Variants in FBN3 observed in about 807,000 individuals in gnomAD.
FBN3 encodes the protein fibrillin 3.
A neutral mutation model predicts 330.1 loss-of-function variants in FBN3; 234 were observed. The observed-to-expected ratio is 0.71, with a 90% CI of 0.64 to 0.79. The LOEUF (loss-of-function observed/expected upper bound fraction) is 0.79. Among genes scored for constraint, FBN3 ranks in the 30% least tolerant of loss-of-function variants. The pLI is 0.00. For missense variants in FBN3, 3,606 were observed against 3,886.9 expected (o/e 0.93, Z 1.92); for synonymous variants, 1,458 against 1,517.3 (o/e 0.96, Z 0.91).
chr19:8,125,972 C>A lies in FBN3; in HGVS notation c.2651G>T (p.Arg884Leu). 6.2e-7 allele frequency: 1 copy of A among 1,613,880 alleles called. No homozygotes were observed. The highest frequency in any genetic ancestry group is 8.5e-7 in the Non-Finnish European group (1 of 1,179,994). The change falls in exon 22 of 64, where the codon CGT (arginine) becomes CTT (leucine). Residue 884 changes from arginine (R) to leucine (L), a missense_variant. Transcript: ENST00000600128. The stretch of plus-strand genomic sequence containing the variant: ...GAAAGACCCAGCAGTGTTGACGCAA[C>A]GCCCGTTGGGACAGACTCCCGGGAA... ...ESFPGVCPNG[R>L]CVNTAGSFRC... is the part of the protein sequence containing the mutation.
At chr19:8,097,100 G>A (rs1438193713) in intron 42 of FBN3, 94 bp from the exon 43 acceptor site, 3 of 1,539,018 alleles carry the variant, frequency 1.9e-6, no homozygotes, top group African/African-American at 2.7e-5. Context: ...GGAGCAGGTG[G>A]TTTCTCTGGA....
At chr19:8,124,678 C>T (rs1297079477) in intron 22 of FBN3, among the ~76,000 whole-genome samples, 1 of 152,238 alleles carries the variant, frequency 6.6e-6, no homozygotes, top group South Asian at 2.1e-4. Context: ...GCTGGGATTA[C>T]AGACACCGCT....
At chr19:8,134,946 TATAA>T (rs1373900871) in intron 13 of FBN3, among the ~76,000 whole-genome samples, 1 of 148,276 alleles carries the variant, frequency 6.7e-6, no homozygotes, top group Non-Finnish European at 1.5e-5. Context: ...TGAATAAATA[TATAA>T]ATAAATATAA....
rs1261450981 is a variant in FBN3 at position 8,066,035 on chromosome 19, T to C, written c.8314A>G (p.Thr2772Ala). Residue 2772 changes from threonine (T) to alanine (A), a missense_variant, in exon 64 of 64, where the codon ACC (threonine) becomes GCC (alanine). Physicochemically the swap from Thr to Ala is moderately conservative, Grantham distance 58 (BLOSUM62 0). Transcript: ENST00000600128. ...QLGRRRPGPG[T>A]YRLEVVSHMA... is the part of the protein sequence containing the mutation. ...TGGCTCACCACCTCCAGCCGGTAGG[T>C]TCCAGGCCCCGGCCGCCTCCGCCCC... The C allele has an allele frequency of 3.7e-6, 6 of 1,612,992 alleles. No individual in the cohort carries two copies. The highest frequency in any genetic ancestry group is 5.1e-6 in the Non-Finnish European group (6 of 1,179,998).
intron 41 of FBN3, among the ~76,000 whole-genome samples, chr19:8,099,276 A>ATTTTTTTTT (rs386388494): frequency 1.0e-5 from 1 of 98,880 alleles, no homozygotes; most frequent in Non-Finnish European, 1.9e-5. Context: ...TCATGGTTTG[A>ATTTTTTTTT]TTTTTTTTTT....
At chr19:8,073,015 G>GAGT in intron 62 of FBN3, 48 bp downstream of exon 62, 1 of 1,215,040 alleles carries the variant, frequency 8.2e-7, no homozygotes, top group Non-Finnish European at 1.2e-6. Flanking sequence ...GTGCGTGCAT[G>GAGT]GACGCTTGCG....
At chr19:8,134,395 A>C (rs1365804688) in intron 13 of FBN3, among the ~76,000 whole-genome samples, 4 of 152,204 alleles carry the variant, frequency 2.6e-5, no homozygotes, top group African/African-American at 9.7e-5. Flanking sequence ...CTATTCATGT[A>C]ATGGAACATT....
Position 8,129,928 on chromosome 19 carries a change from C to T in FBN3, c.2045-563G>A, listed in dbSNP as rs145157408. On this transcript the variant is annotated intron_variant, in intron 16 of 63. Coordinates refer to ENST00000600128, the MANE Select transcript of FBN3 (RefSeq NM_032447.5). The surrounding 1 kb of genome is among the most constrained non-coding windows in gnomAD (Gnocchi z 4.5). ...TTTTTTTTTTTTTGAGATAGGGTCTCACTCTGTCGCACAGGCTGGAGTGCA... is the reference window on the plus strand; with the variant it reads ...TTTTTTTTTTTTTGAGATAGGGTCTTACTCTGTCGCACAGGCTGGAGTGCA... Among the ~76,000 whole-genome samples the T allele has an allele frequency of 0.012, 1,796 of 151,426 alleles. 121 individuals are homozygous for T. The highest frequency in any genetic ancestry group is 0.1 in the Admixed American group (1,513 of 15,188).
intron 13 of FBN3, among the ~76,000 whole-genome samples, chr19:8,135,620 C>T (rs964567408): frequency 6.0e-5 from 9 of 151,248 alleles, no homozygotes; most frequent in Non-Finnish European, 1.2e-4. Flanking sequence ...TGCAGGGGCA[C>T]GATCACAGCT....
intron 39 of FBN3, among the ~76,000 whole-genome samples, chr19:8,103,193 G>A (rs890856048): frequency 1.3e-5 from 2 of 150,140 alleles, no homozygotes; most frequent in Non-Finnish European, 3.0e-5. Context: ...CTTGAACCTG[G>A]GAGGTGGAGG....
At chr19:8,084,274 G>A (rs1264324616) in intron 56 of FBN3, among the ~76,000 whole-genome samples, 1 of 152,126 alleles carries the variant, frequency 6.6e-6, no homozygotes, top group East Asian at 1.9e-4. Flanking sequence ...CCCTCTCACT[G>A]CCTTCTACTT....
intron 6 of FBN3, among the ~76,000 whole-genome samples, chr19:8,144,563 C>T (rs2083489734): frequency 6.6e-6 from 1 of 151,684 alleles, no homozygotes; most frequent in East Asian, 1.9e-4. Flanking sequence ...CAGGGCTGCC[C>T]CAACCCTTGT....
chr19:8,123,350 G>T, intron 24 of FBN3, 114 bp downstream of exon 24: 1 of 1,177,090 alleles, frequency 8.5e-7, no homozygotes, highest in Non-Finnish European at 1.2e-6. Flanking sequence ...GTAAAACTCC[G>T]TCTCGAAAAA....
rs146319066 is a variant in FBN3 at position 8,138,282 on chromosome 19, G to A, written c.1060C>T (p.Pro354Ser). The A allele has an allele frequency of 6.2e-6, 10 of 1,612,952 alleles. No homozygotes were observed. The African/African-American group carries it at 9.3e-5, about 15-fold the overall frequency. ...CCAGGGAAGAGGCCAGGGTGGCCGG[G>A]TAGCAGCGGCAGCCGCTGGGCGCAC... ...QLCAQRLPLLPGHPGLFPGLL... is the reference protein window; with the variant it reads ...QLCAQRLPLLSGHPGLFPGLL... Residue 354 changes from proline (P) to serine (S), a missense_variant, in exon 10 of 64, where the codon CCC (proline) becomes TCC (serine). Transcript: ENST00000600128.
Position 8,126,565 on chromosome 19 carries a change from G to A in FBN3, c.2457C>T (p.Ser819=), listed in dbSNP as rs1171613783. ...CTCCCTGAAGGTTCACCTCACAGCG[G>A]CTCTCCTGGATCTTCAGCCAGCAGG... is the stretch of plus-strand genomic sequence containing the variant. The part of the protein sequence containing the change: ...KGTCWLKIQE[S]RCEVNLQGAS... The change falls in exon 20 of 64, where the codon AGC becomes AGT. Residue 819 remains serine, a synonymous_variant. Coordinates refer to ENST00000600128, the MANE Select transcript of FBN3 (RefSeq NM_032447.5). The A allele has an allele frequency of 1.9e-6, 3 of 1,611,584 alleles. No individual in the cohort carries two copies. The African/African-American group carries it at 4.0e-5, about 22-fold the overall frequency.
chr19:8,102,636 A>T, intron 40 of FBN3, 88 bp downstream of exon 40: 1 of 1,324,610 alleles, frequency 7.5e-7, no homozygotes, highest in Non-Finnish European at 1.1e-6. Flanking sequence ...AAGGAGGATT[A>T]ATCTAAGAAC....
rs771402534 is a variant in FBN3 at position 8,131,554 on chromosome 19, C to T, written c.1990G>A (p.Ala664Thr). The T allele has an allele frequency of 1.4e-5, 22 of 1,603,878 alleles. No individual in the cohort carries two copies. Among genetic ancestry groups the T allele is most frequent in the African/African-American group, 2.7e-5 (2 of 74,906 alleles). The change falls in exon 15 of 64, where the codon GCT becomes ACT. Residue 664 changes from alanine (A) to threonine (T), a missense_variant and splice_region_variant. Coordinates refer to ENST00000600128, the MANE Select transcript of FBN3 (RefSeq NM_032447.5). The surrounding 1 kb of genome is among the most constrained non-coding windows in gnomAD (Gnocchi z 4.5). ...GGGGACCGGGCAGCCGGATGCTCAC[C>T]GGAGTCTTTGGCAGGACAAAGCTGG... is the stretch of plus-strand genomic sequence containing the variant. ...PCQLCPAKDS[A>T]EFQALCSSGL...
At position 8,131,576 on chromosome 19, in the gene FBN3, C is replaced by A; in HGVS notation, c.1968G>T (p.Gln656His). 3.7e-6 allele frequency: 6 copies of A among 1,610,520 alleles called. No homozygotes were observed. The highest frequency in any genetic ancestry group is 5.1e-6 in the Non-Finnish European group (6 of 1,177,486). The change falls in exon 15 of 64, where the codon CAG (glutamine) becomes CAT (histidine). Residue 656 changes from glutamine (Q) to histidine (H), a missense_variant. Transcript: ENST00000600128. The surrounding 1 kb of genome is among the most constrained non-coding windows in gnomAD (Gnocchi z 4.5). Reference protein sequence around the residue: ...NPDHGFGEPCQLCPAKDSAEF... With the variant: ...NPDHGFGEPCHLCPAKDSAEF... ...CACCGGAGTCTTTGGCAGGACAAAG[C>A]TGGCAGGGCTCCCCAAAACCGTGGT...
At chr19:8,114,444 T>G (rs2082662813) in intron 30 of FBN3, among the ~76,000 whole-genome samples, 1 of 152,106 alleles carries the variant, frequency 6.6e-6, no homozygotes, top group Non-Finnish European at 1.5e-5. Context: ...TGACGGGGTT[T>G]CACCATGTTG....
Sources: gnomAD v4.1 joint callset for allele counts (sites outside exome capture counted in the v4.1 genomes callset) on GRCh38, gnomAD v4.1.1 for gene constraint, Gnocchi (gnomAD v3.1) non-coding constraint, MANE v1.5 for transcripts, NCBI Gene and HGNC (gene_info 2026-07-23, HGNC 2026-07-21) for gene names.